Variants in FRMD4B observed in about 807,000 individuals in gnomAD.
FRMD4B encodes FERM domain containing 4B.
In FRMD4B, 74 loss-of-function variants were observed where a neutral mutation model predicts 141.5. The observed-to-expected ratio is 0.52, with a 90% CI of 0.43 to 0.63. The LOEUF (loss-of-function observed/expected upper bound fraction) is 0.63. FRMD4B is among the 30% of genes least tolerant of loss of function. The pLI is 0.00. For missense variants in FRMD4B, 1,366 were observed against 1,253.4 expected (o/e 1.09, Z -1.36); for synonymous variants, 506 against 467.9 (o/e 1.08, Z -1.05).
At chr3:69,469,638 C>A (rs143203707) in intron 1 of FRMD4B, among the ~76,000 whole-genome samples, 289 of 152,268 alleles carry the variant, frequency 1.9e-3, no homozygotes, top group African/African-American at 6.6e-3. Context: ...TCACCAGAAT[C>A]CCATAGCAAG....
chr3:69,402,847 G>T (rs558405406), intron 2 of FRMD4B, among the ~76,000 whole-genome samples: 5 of 152,184 alleles, frequency 3.3e-5, no homozygotes, highest in African/African-American at 9.6e-5. Context: ...AAAAGAATCA[G>T]GAATCAATGA....
chr3:69,189,426 A>T (rs2092811804), intron 18 of FRMD4B, among the ~76,000 whole-genome samples: 1 of 152,120 alleles, frequency 6.6e-6, no homozygotes. Context: ...AAAACATACA[A>T]TGATTTTATT....
chr3:69,345,899 G>A lies in FRMD4B; in HGVS notation c.163-32382C>T, dbSNP rs191333161. Among the ~76,000 whole-genome samples the A allele has an allele frequency of 3.3e-5, 5 of 152,246 alleles. No individual in the cohort carries two copies. In the East Asian group the frequency reaches 9.7e-4, roughly 29 times the overall value. ...GATGGGGAAAAAACAGAGCAGAAAA[G>A]CTGAAAATTCTAAAAAGCAGAGCGC... On this transcript the variant is annotated intron_variant, in intron 1 of 22. Coordinates refer to ENST00000398540, the MANE Select transcript of FRMD4B (RefSeq NM_015123.3).
intron 5 of FRMD4B, among the ~76,000 whole-genome samples, chr3:69,279,131 A>G (rs1289624547): frequency 6.6e-6 from 1 of 152,208 alleles, no homozygotes; most frequent in Admixed American, 6.5e-5. Context: ...AAAATCCTTA[A>G]GACTTAGGAC....
intron 1 of FRMD4B, among the ~76,000 whole-genome samples, chr3:69,446,045 T>C (rs897760788): frequency 6.6e-6 from 1 of 152,202 alleles, no homozygotes; most frequent in African/African-American, 2.4e-5. Flanking sequence ...ATTTATTTTC[T>C]GAGATGGAGT....
intron 1 of FRMD4B, chr3:69,353,583 A>C: frequency 1.0e-6 from 1 of 985,394 alleles, no homozygotes; most frequent in Non-Finnish European, 1.2e-6. Flanking sequence ...AAAGGAACTG[A>C]AGAGAGTGCT....
intron 5 of FRMD4B, among the ~76,000 whole-genome samples, chr3:69,281,592 G>T (rs2093644641): frequency 6.6e-6 from 1 of 151,954 alleles, no homozygotes; most frequent in Non-Finnish European, 1.5e-5. Flanking sequence ...TTGGGAGGCT[G>T]AGGCGGGTGG....
At chr3:69,381,622 A>G (rs1009201997) in intron 1 of FRMD4B, among the ~76,000 whole-genome samples, 1 of 152,238 alleles carries the variant, frequency 6.6e-6, no homozygotes, top group African/African-American at 2.4e-5. Context: ...GTGCAGTGGA[A>G]CAATCCCCTC....
At chr3:69,270,811 G>A (rs55893274) in intron 5 of FRMD4B, among the ~76,000 whole-genome samples, 16,197 of 152,018 alleles carry the variant, frequency 0.11, 1,170 homozygotes, top group East Asian at 0.35. Flanking sequence ...TGATCCGCCC[G>A]CCTCGGCCTC....
chr3:69,324,717 TAGATA>T (rs1186947820), intron 1 of FRMD4B, among the ~76,000 whole-genome samples: 1 of 152,204 alleles, frequency 6.6e-6, no homozygotes. Flanking sequence ...GGCTCTGAAG[TAGATA>T]AACTGGCAAT....
At chr3:69,377,822 T>C (rs1370874508) in intron 1 of FRMD4B, among the ~76,000 whole-genome samples, 1 of 151,992 alleles carries the variant, frequency 6.6e-6, no homozygotes, top group African/African-American at 2.4e-5. Context: ...TCTTCTTTTT[T>C]TTTTTTGAAA....
intron 1 of FRMD4B, among the ~76,000 whole-genome samples, chr3:69,538,732 T>C (rs780529145): frequency 2.8e-4 from 42 of 152,314 alleles, no homozygotes; most frequent in South Asian, 6.2e-4. Flanking sequence ...GGCTCCTAAA[T>C]TACCTAGAGG....
intron 7 of FRMD4B, among the ~76,000 whole-genome samples, chr3:69,247,859 C>T (rs1575655247): frequency 6.6e-6 from 1 of 152,246 alleles, no homozygotes; most frequent in East Asian, 1.9e-4. Context: ...CCGTGTTAGT[C>T]AAGATGGTCT....
chr3:69,200,075 A>G (rs2092950808), intron 11 of FRMD4B, among the ~76,000 whole-genome samples: 3 of 152,220 alleles, frequency 2.0e-5, no homozygotes, highest in South Asian at 4.1e-4. Context: ...TAGTCTATAC[A>G]ATAAGCACTT....
In FRMD4B at chr3:69,359,774, C is replaced by T. The variant is rs145885576; in HGVS notation, c.162+26054G>A. ...TTTGACTTGGTTTTACCATAAGGCA[C>T]GTGCAGTTTTTTAGGTGACGCACAT... is the stretch of plus-strand genomic sequence containing the variant. On this transcript the variant is annotated intron_variant, in intron 1 of 22. Transcript: ENST00000398540. Among the ~76,000 whole-genome samples the T allele has an allele frequency of 7.9e-5, 12 of 152,284 alleles. No individual in the cohort carries two copies. In the East Asian group the frequency reaches 1.9e-3, roughly 24 times the overall value.
intron 5 of FRMD4B, among the ~76,000 whole-genome samples, chr3:69,271,591 A>G (rs141356856): frequency 6.2e-4 from 94 of 152,378 alleles, no homozygotes; most frequent in African/African-American, 2.1e-3. Context: ...AAAGACAAAC[A>G]TAATTTGAAT....
intron 7 of FRMD4B, chr3:69,228,731 G>A (rs1448886705): frequency 3.4e-6 from 1 of 292,092 alleles, no homozygotes; most frequent in Non-Finnish European, 6.8e-6. Context: ...TCAGCTACTT[G>A]GGAGGCTGAA....
intron 3 of FRMD4B, among the ~76,000 whole-genome samples, chr3:69,304,276 G>T (rs1701315786): frequency 6.6e-6 from 1 of 151,938 alleles, no homozygotes; most frequent in Non-Finnish European, 1.5e-5. Context: ...TTGAGGTCAG[G>T]AGTTTAAGAT....
intron 1 of FRMD4B, among the ~76,000 whole-genome samples, chr3:69,476,385 G>T (rs533620377): frequency 6.6e-6 from 1 of 152,114 alleles, no homozygotes; most frequent in African/African-American, 2.4e-5. Context: ...TTTTTATAAG[G>T]TGTAAGCAAG....
Sources: gnomAD v4.1 joint callset for allele counts (sites outside exome capture counted in the v4.1 genomes callset) on GRCh38, gnomAD v4.1.1 for gene constraint, MANE v1.5 for transcripts, NCBI Gene and HGNC (gene_info 2026-07-23, HGNC 2026-07-21) for gene names.